Variants in FHIT observed in about 807,000 individuals in gnomAD.
FHIT encodes bis(5'-adenosyl)-triphosphatase.
Under a neutral mutation model 17.9 loss-of-function variants are expected in FHIT, and 19 were observed. The ratio of observed to expected loss-of-function variants is 1.06; its 90% CI spans 0.74 to 1.56. FHIT has a LOEUF of 1.56. FHIT is among the 40% of genes most tolerant of loss of function. FHIT has a pLI of 0.00. For missense variants in FHIT, 248 were observed against 189.2 expected, an observed-to-expected ratio of 1.31 and a Z score of -1.82; for synonymous variants, 81 against 69.7, an observed-to-expected ratio of 1.16 and a Z score of -0.81.
At chr3:60,839,661 AG>A (rs1433919624) in intron 3 of FHIT, among the ~76,000 whole-genome samples, 1 of 152,132 alleles carries the variant, frequency 6.6e-6, no homozygotes, top group African/African-American at 2.4e-5. Flanking sequence ...CAGTCCCCAA[AG>A]ACCTCTAGGG....
At chr3:60,501,249 T>A (rs2034513109) in intron 5 of FHIT, among the ~76,000 whole-genome samples, 1 of 152,218 alleles carries the variant, frequency 6.6e-6, no homozygotes, top group Admixed American at 6.5e-5. Context: ...GATTTCAATA[T>A]ACGTTTAATG....
chr3:61,059,541 T>A (rs2034352592), intron 2 of FHIT, among the ~76,000 whole-genome samples: 1 of 152,200 alleles, frequency 6.6e-6, no homozygotes, highest in African/African-American at 2.4e-5. Context: ...ATCTGAGCAG[T>A]ATTTTCATTT....
chr3:61,210,534 G>A (rs538331227), intron 1 of FHIT, among the ~76,000 whole-genome samples: 81 of 152,326 alleles, frequency 5.3e-4, no homozygotes, highest in African/African-American at 1.3e-3. Flanking sequence ...CCTCGCTGCC[G>A]CCTTGCAGTT....
At chr3:60,029,143 A>C (rs1700874347) in intron 5 of FHIT, among the ~76,000 whole-genome samples, 1 of 152,090 alleles carries the variant, frequency 6.6e-6, no homozygotes, top group African/African-American at 2.4e-5. Flanking sequence ...CTTTCATTAT[A>C]TTTTTCTATT....
intron 5 of FHIT, among the ~76,000 whole-genome samples, chr3:60,408,861 A>G (rs1364122029): frequency 6.6e-6 from 1 of 152,190 alleles, no homozygotes; most frequent in Non-Finnish European, 1.5e-5. Context: ...AAAAAACAAA[A>G]GCCATAATTC....
chr3:60,009,257 T>C (rs2106670682), intron 7 of FHIT, among the ~76,000 whole-genome samples: 1 of 144,854 alleles, frequency 6.9e-6, no homozygotes, highest in African/African-American at 2.5e-5. Flanking sequence ...AACCACCATA[T>C]TCTACAAACG....
intron 4 of FHIT, among the ~76,000 whole-genome samples, chr3:60,584,566 A>T (rs2037848843): frequency 6.6e-6 from 1 of 152,040 alleles, no homozygotes; most frequent in Non-Finnish European, 1.5e-5. Context: ...TTTTATATTA[A>T]ATATGGTCAA....
chr3:60,262,030 A>G (rs146120796), intron 5 of FHIT, among the ~76,000 whole-genome samples: 60 of 152,128 alleles, frequency 3.9e-4, no homozygotes, highest in African/African-American at 1.4e-3. Flanking sequence ...TAAAACATGT[A>G]CATTTCCCTA....
rs559272560 is a variant in FHIT, at chr3:60,331,419, G to T, written c.103+205441C>A. 6.1e-4 allele frequency among the ~76,000 whole-genome samples: 93 copies of T among 152,192 alleles called. 1 individual carries two copies. Among genetic ancestry groups the T allele is most frequent in the African/African-American group, 2.0e-3 (83 of 41,532 alleles). ...TCCCATCAGACCTTAGTCACCTTGG[G>T]GTCAGGAACTTTGGCTTATTCATGT... is the stretch of plus-strand genomic sequence containing the variant. On this transcript the variant is annotated intron_variant, in intron 5 of 9. Transcript: ENST00000492590.
intron 5 of FHIT, among the ~76,000 whole-genome samples, chr3:60,078,147 T>TA (rs1159331670): frequency 1.3e-5 from 2 of 152,026 alleles, no homozygotes; most frequent in Non-Finnish European, 2.9e-5. Context: ...AAAGAATGGG[T>TA]AAAAGTATAA....
intron 2 of FHIT, among the ~76,000 whole-genome samples, chr3:61,195,006 T>C (rs1337907945): frequency 1.5e-5 from 2 of 136,784 alleles, no homozygotes; most frequent in East Asian, 5.1e-4. Context: ...AGGGGGGTGG[T>C]TAGTGGGGGG....
At chr3:59,750,345 T>C (rs945912242) in intron 9 of FHIT, 1 of 225,034 alleles carries the variant, frequency 4.4e-6, no homozygotes, top group Admixed American at 5.7e-5. Context: ...GGAGAAAAAA[T>C]TCAACCTAGG....
At chr3:60,511,988 A>G (rs114435889) in intron 5 of FHIT, among the ~76,000 whole-genome samples, 2,537 of 152,282 alleles carry the variant, frequency 0.017, 25 homozygotes, top group Non-Finnish European at 0.025. Flanking sequence ...AGGGGCTAAA[A>G]AAATTGAGGA....
In FHIT at chr3:60,919,761, C is replaced by A. The variant is rs139076889; in HGVS notation, c.-110-97750G>T. 1.5e-4 allele frequency among the ~76,000 whole-genome samples: 23 copies of A among 152,232 alleles called. No homozygotes were observed. In the East Asian group the frequency reaches 4.3e-3, roughly 28 times the overall value. On this transcript the variant is annotated intron_variant, in intron 3 of 9. Coordinates refer to ENST00000492590, the MANE Select transcript of FHIT (RefSeq NM_002012.4). ...AGGGAATAAGAGTGCATAGGCCAGG[C>A]GCAGTGGCTCATGCTTGTAATCCCA...
chr3:60,615,191 C>A (rs1411916224), intron 4 of FHIT, among the ~76,000 whole-genome samples: 1 of 152,158 alleles, frequency 6.6e-6, no homozygotes, highest in Non-Finnish European at 1.5e-5. Flanking sequence ...ATACAGCAAT[C>A]TACTATCTGG....
intron 2 of FHIT, among the ~76,000 whole-genome samples, chr3:61,168,556 C>G (rs903665081): frequency 1.3e-5 from 2 of 152,200 alleles, no homozygotes; most frequent in Non-Finnish European, 2.9e-5. Flanking sequence ...AGGGATTTAT[C>G]ACGTCTTAAC....
At chr3:60,900,843 T>C (rs1195820582) in intron 3 of FHIT, among the ~76,000 whole-genome samples, 1 of 152,180 alleles carries the variant, frequency 6.6e-6, no homozygotes, top group Non-Finnish European at 1.5e-5. Flanking sequence ...AGTCGTGCGA[T>C]CTCAGCTCAC....
chr3:60,606,478 C>A (rs1412683200), intron 4 of FHIT, among the ~76,000 whole-genome samples: 2 of 151,984 alleles, frequency 1.3e-5, no homozygotes, highest in Non-Finnish European at 2.9e-5. Context: ...TGAGTTCAGG[C>A]AATCTGCCCG....
At position 60,182,976 on chromosome 3, in the gene FHIT, T is replaced by C. The variant is rs182437663; in HGVS notation, c.104-168824A>G. ...GGTTCCACTCCTTTAAAAGATATTC[T>C]GTCCATGACAACTCCCCCTCTGCCC... is the stretch of plus-strand genomic sequence containing the variant. On this transcript the variant is annotated intron_variant, in intron 5 of 9. Coordinates refer to ENST00000492590, the MANE Select transcript of FHIT (RefSeq NM_002012.4). 3.7e-3 allele frequency among the ~76,000 whole-genome samples: 569 copies of C among 151,930 alleles called. 9 individuals are homozygous for C. Among genetic ancestry groups the C allele is most frequent in the Admixed American group, 0.031 (476 of 15,242 alleles).
Sources: allele counts gnomAD v4.1 joint callset (sites outside exome capture counted in the v4.1 genomes callset), GRCh38; gene constraint gnomAD v4.1.1; transcripts MANE v1.5; gene names NCBI Gene and HGNC (gene_info 2026-07-23, HGNC 2026-07-21).